The following NEGR1 variants were observed in gnomAD, a reference collection of about 807,000 sequenced individuals.
NEGR1 encodes neuronal growth regulator 1.
In NEGR1, 10 loss-of-function variants were observed where a neutral mutation model predicts 40.9. That is an observed-to-expected ratio of 0.24 (90% CI 0.15 to 0.42). The LOEUF is 0.42. NEGR1 is among the 10% of genes least tolerant of loss of function. The pLI is 1.00. For synonymous variants in NEGR1, 185 were observed against 166.8 expected (o/e 1.11, Z -0.84); for missense variants, 352 against 438.9 (o/e 0.80, Z 1.77).
chr1:71,674,000 A>T (rs1316150210), intron 4 of NEGR1, among the ~76,000 whole-genome samples: 1 of 152,136 alleles, frequency 6.6e-6, no homozygotes, highest in Non-Finnish European at 1.5e-5. Context: ...TAATATAAGA[A>T]TACAACTGTT....
intron 6 of NEGR1, among the ~76,000 whole-genome samples, chr1:71,426,905 C>T (rs1304591990): frequency 6.6e-6 from 1 of 151,926 alleles, no homozygotes; most frequent in African/African-American, 2.4e-5. Context: ...GCAATAAGAA[C>T]AGCACCTGCT....
intron 4 of NEGR1, among the ~76,000 whole-genome samples, chr1:71,675,130 C>T (rs368506325): frequency 0.051 from 388 of 7,596 alleles, no homozygotes; most frequent in East Asian, 0.1. Context: ...TATATATACA[C>T]ACACACATAT....
chr1:71,465,914 T>C (rs1646742375), intron 6 of NEGR1, among the ~76,000 whole-genome samples: 2 of 152,126 alleles, frequency 1.3e-5, no homozygotes, highest in South Asian at 4.1e-4. Context: ...AGTATATATA[T>C]AAAGGATATT....
intron 1 of NEGR1, among the ~76,000 whole-genome samples, chr1:72,261,996 C>A (rs535993156): frequency 6.6e-6 from 1 of 152,096 alleles, no homozygotes; most frequent in African/African-American, 2.4e-5. Flanking sequence ...ATTGCACTTG[C>A]ACCCCCTAAA....
intron 3 of NEGR1, among the ~76,000 whole-genome samples, chr1:71,765,533 T>G (rs918337652): frequency 9.9e-5 from 15 of 152,092 alleles, no homozygotes; most frequent in African/African-American, 3.6e-4. Flanking sequence ...GATTTAAAAT[T>G]CAGGATCTGA....
intron 1 of NEGR1, among the ~76,000 whole-genome samples, chr1:72,123,836 C>A (rs1425026263): frequency 6.6e-6 from 1 of 151,832 alleles, no homozygotes; most frequent in African/African-American, 2.4e-5. Flanking sequence ...CCTATAAAAG[C>A]AAAAGGGAAA....
At chr1:71,950,503 G>A (rs534802988) in intron 1 of NEGR1, among the ~76,000 whole-genome samples, 21 of 151,872 alleles carry the variant, frequency 1.4e-4, no homozygotes, top group African/African-American at 3.9e-4. Context: ...TTCTTGAACC[G>A]ATTTCCTATG....
At chr1:71,905,542 G>T (rs601677) in intron 2 of NEGR1, among the ~76,000 whole-genome samples, 2 of 151,832 alleles carry the variant, frequency 1.3e-5, no homozygotes, top group Non-Finnish European at 2.9e-5. Flanking sequence ...ATAAAACATC[G>T]TGAAGATTAT....
intron 6 of NEGR1, among the ~76,000 whole-genome samples, chr1:71,491,520 AG>A (rs1646927297): frequency 6.6e-6 from 1 of 151,794 alleles, no homozygotes; most frequent in South Asian, 2.1e-4. Flanking sequence ...GTTATGATGG[AG>A]GGGGAGGCAA....
intron 2 of NEGR1, among the ~76,000 whole-genome samples, chr1:71,853,297 C>T (rs1659666535): frequency 6.6e-6 from 1 of 151,946 alleles, no homozygotes; most frequent in African/African-American, 2.4e-5. Context: ...AATAATTTGC[C>T]ATTTTCAAAT....
chr1:72,054,929 A>C (rs1557503796), intron 1 of NEGR1, among the ~76,000 whole-genome samples: 1 of 151,114 alleles, frequency 6.6e-6, no homozygotes, highest in Non-Finnish European at 1.5e-5. Context: ...TGGGGGATCA[A>C]AGGGATGATA....
intron 1 of NEGR1, among the ~76,000 whole-genome samples, chr1:72,102,275 AC>A (rs906415369): frequency 1.6e-4 from 24 of 152,024 alleles, no homozygotes; most frequent in African/African-American, 5.1e-4. Context: ...ATTTTATCCA[AC>A]CCCCCCATAA....
At chr1:71,648,387 A>C (rs1415411009) in intron 4 of NEGR1, among the ~76,000 whole-genome samples, 1 of 152,052 alleles carries the variant, frequency 6.6e-6, no homozygotes, top group Non-Finnish European at 1.5e-5. Flanking sequence ...ATAACATCAA[A>C]GAATGTTCAT....
At chr1:71,788,328 T>A (rs905430510) in intron 2 of NEGR1, among the ~76,000 whole-genome samples, 1 of 152,104 alleles carries the variant, frequency 6.6e-6, no homozygotes, top group Non-Finnish European at 1.5e-5. Flanking sequence ...TCTAAGTGCA[T>A]TCTCTTATAA....
At chr1:71,683,753 C>T (rs1004556135) in intron 4 of NEGR1, among the ~76,000 whole-genome samples, 1 of 147,402 alleles carries the variant, frequency 6.8e-6, no homozygotes, top group African/African-American at 2.5e-5. Context: ...TTAAACTACC[C>T]CCACCAAAAG....
chr1:71,675,478 T>A (rs1227040527), intron 4 of NEGR1, among the ~76,000 whole-genome samples: 2 of 151,716 alleles, frequency 1.3e-5, no homozygotes, highest in African/African-American at 2.4e-5. Context: ...TATCTATATA[T>A]CTATATGTAT....
intron 5 of NEGR1, among the ~76,000 whole-genome samples, chr1:71,608,900 G>C (rs936469329): frequency 6.6e-6 from 1 of 152,062 alleles, no homozygotes; most frequent in Non-Finnish European, 1.5e-5. Context: ...ACTTATAAAG[G>C]ATTCAGAACC....
At chr1:71,650,505 T>G (rs552828897) in intron 4 of NEGR1, among the ~76,000 whole-genome samples, 3 of 152,208 alleles carry the variant, frequency 2.0e-5, no homozygotes, top group Middle Eastern at 3.2e-3. Flanking sequence ...AAATGACCAA[T>G]TTTGAAATGT....
chr1:72,265,198 A>G (rs550676064), intron 1 of NEGR1, among the ~76,000 whole-genome samples: 9 of 151,106 alleles, frequency 6.0e-5, no homozygotes, highest in African/African-American at 2.2e-4. Context: ...ATAACTGATG[A>G]TAGCTGTTTG....
Sources: gnomAD v4.1 joint callset for allele counts (sites outside exome capture counted in the v4.1 genomes callset) on GRCh38, gnomAD v4.1.1 for gene constraint, MANE v1.5 for transcripts, NCBI Gene and HGNC (gene_info 2026-07-23, HGNC 2026-07-21) for gene names.